ATP8B4: variants seen among roughly 807,000 people sequenced by gnomAD.
ATP8B4 encodes ATPase phospholipid transporting 8B4 (putative), also known as probable phospholipid-transporting ATPase IM.
In ATP8B4, 133 loss-of-function variants were observed where a neutral mutation model predicts 145.6. The observed-to-expected ratio is 0.91, with a 90% CI of 0.79 to 1.05. The LOEUF (loss-of-function observed/expected upper bound fraction) is 1.05, where lower values mean the gene tolerates loss of function less well. Among genes scored for constraint, ATP8B4 ranks in the 50% least tolerant of loss-of-function variants. The pLI is 0.00. For synonymous variants in ATP8B4, 507 were observed against 492.9 expected (o/e 1.03, Z -0.38); for missense variants, 1,458 against 1,425.2 (o/e 1.02, Z -0.37).
chr15:49,975,903 G>T (rs1256306463), intron 12 of ATP8B4, among the ~76,000 whole-genome samples: 1 of 152,082 alleles, frequency 6.6e-6, no homozygotes, highest in African/African-American at 2.4e-5. Flanking sequence ...GTAGAAAATA[G>T]TTACGGTAAT....
intron 13 of ATP8B4, among the ~76,000 whole-genome samples, chr15:49,962,275 G>T (rs1567087907): frequency 6.6e-6 from 1 of 152,152 alleles, no homozygotes; most frequent in Non-Finnish European, 1.5e-5. Context: ...AAGCAATTAT[G>T]TTTTTCTGTA....
At chr15:49,974,144 G>A (rs945717920) in intron 12 of ATP8B4, among the ~76,000 whole-genome samples, 4 of 147,682 alleles carry the variant, frequency 2.7e-5, no homozygotes, top group Admixed American at 6.8e-5. Flanking sequence ...GTGCAACGGC[G>A]CAATCTCGGC....
chr15:50,031,194 T>C (rs184992329), intron 6 of ATP8B4, among the ~76,000 whole-genome samples: 191 of 152,332 alleles, frequency 1.3e-3, no homozygotes, highest in African/African-American at 4.2e-3. Flanking sequence ...TGCCTATGGC[T>C]GTTACACCCA....
intron 3 of ATP8B4, among the ~76,000 whole-genome samples, chr15:50,069,752 C>T (rs1371297895): frequency 6.6e-6 from 1 of 152,008 alleles, no homozygotes; most frequent in Admixed American, 6.6e-5. Context: ...AGCCACATGA[C>T]ATCATGAAAA....
intron 3 of ATP8B4, among the ~76,000 whole-genome samples, chr15:50,073,036 A>C (rs2053950786): frequency 7.6e-6 from 1 of 132,314 alleles, no homozygotes; most frequent in African/African-American, 2.9e-5. Context: ...ACACACACAC[A>C]CACACACACA....
chr15:50,109,491 C>T (rs1745387155), intron 1 of ATP8B4, among the ~76,000 whole-genome samples: 1 of 152,076 alleles, frequency 6.6e-6, no homozygotes. Context: ...GGTGGCCCCA[C>T]TTGGCCAGAG....
At chr15:49,972,278 A>G (rs2045224274) in intron 13 of ATP8B4, among the ~76,000 whole-genome samples, 1 of 152,182 alleles carries the variant, frequency 6.6e-6, no homozygotes, top group Admixed American at 6.5e-5. Flanking sequence ...TAATAATAAT[A>G]ATAAAGAATC....
At chr15:50,153,763 T>C (rs2044378925) in intron 1 of ATP8B4, among the ~76,000 whole-genome samples, 3 of 152,170 alleles carry the variant, frequency 2.0e-5, no homozygotes, top group Non-Finnish European at 4.4e-5. Context: ...AGAAAAACCC[T>C]TAAAGAAATG....
intron 8 of ATP8B4, among the ~76,000 whole-genome samples, chr15:49,997,837 A>T (rs1050832221): frequency 6.6e-6 from 1 of 152,188 alleles, no homozygotes; most frequent in Non-Finnish European, 1.5e-5. Context: ...TGTATAATTC[A>T]AGCTAGTTTG....
intron 7 of ATP8B4, chr15:50,009,690 T>A (rs1281557947): frequency 2.2e-6 from 1 of 454,698 alleles, no homozygotes; most frequent in Admixed American, 2.4e-5. Context: ...AAAAATAAGA[T>A]GGACAAGCAA....
At chr15:49,905,270 T>G (rs1036519309) in intron 20 of ATP8B4, among the ~76,000 whole-genome samples, 11 of 152,250 alleles carry the variant, frequency 7.2e-5, no homozygotes, top group African/African-American at 2.4e-4. Flanking sequence ...ATAAGCATTT[T>G]GGTCATTTCT....
chr15:50,004,251 G>C (rs1389093173), intron 7 of ATP8B4, among the ~76,000 whole-genome samples: 1 of 152,210 alleles, frequency 6.6e-6, no homozygotes, highest in African/African-American at 2.4e-5. Context: ...AGGCCCAGCG[G>C]GGCCGGGAGG....
chr15:49,935,838 T>G (rs2041691897), intron 14 of ATP8B4, among the ~76,000 whole-genome samples: 1 of 152,172 alleles, frequency 6.6e-6, no homozygotes. Flanking sequence ...CATATCCAGT[T>G]TAATTTCCTT....
At chr15:49,928,705 T>C (rs781593980) in intron 16 of ATP8B4, among the ~76,000 whole-genome samples, 1 of 151,832 alleles carries the variant, frequency 6.6e-6, no homozygotes, top group Non-Finnish European at 1.5e-5. Context: ...TACTGGGAAT[T>C]AGGAAAAAAG....
At chr15:50,076,437 A>G (rs181621887) in intron 2 of ATP8B4, among the ~76,000 whole-genome samples, 1 of 152,158 alleles carries the variant, frequency 6.6e-6, no homozygotes, top group East Asian at 1.9e-4. Flanking sequence ...GGTTGCAGTG[A>G]GCCAAGATTA....
At chr15:49,896,820 T>A (rs1368589754) in intron 23 of ATP8B4, 1 of 152,736 alleles carries the variant, frequency 6.5e-6, no homozygotes, top group Non-Finnish European at 1.5e-5. Flanking sequence ...GCATTATCTA[T>A]AGATCAACTT....
intron 3 of ATP8B4, among the ~76,000 whole-genome samples, chr15:50,049,878 GT>G (rs2052040930): frequency 6.6e-6 from 1 of 151,908 alleles, no homozygotes; most frequent in Non-Finnish European, 1.5e-5. Flanking sequence ...GCATCTCATT[GT>G]GGTTTTGATT....
chr15:49,874,207 AC>A (rs2034058810), intron 25 of ATP8B4, among the ~76,000 whole-genome samples: 1 of 152,240 alleles, frequency 6.6e-6, no homozygotes. Flanking sequence ...AGAACACACC[AC>A]TAAATTTGTA....
At chr15:49,988,503 T>G (rs186721759) in intron 9 of ATP8B4, among the ~76,000 whole-genome samples, 2 of 152,176 alleles carry the variant, frequency 1.3e-5, no homozygotes, top group East Asian at 3.9e-4. Context: ...AAGCTGTGGG[T>G]AGATCCAATC....
Sources: allele counts gnomAD v4.1 joint callset (sites outside exome capture counted in the v4.1 genomes callset), GRCh38; gene constraint gnomAD v4.1.1; transcripts MANE v1.5; gene names NCBI Gene and HGNC (gene_info 2026-07-23, HGNC 2026-07-21).